PCSK2: variants seen among roughly 807,000 people sequenced by gnomAD.
PCSK2 encodes neuroendocrine convertase 2.
PCSK2 carries 14 observed loss-of-function variants against 69.7 expected under a neutral mutation model. The ratio of observed to expected loss-of-function variants is 0.20; its 90% CI spans 0.13 to 0.31. The LOEUF (loss-of-function observed/expected upper bound fraction) is 0.31. Among genes scored for constraint, PCSK2 ranks in the 10% least tolerant of loss-of-function variants. The probability of loss-of-function intolerance (pLI) is 1.00; values close to 1 mark genes in which losing one functional copy is unlikely to be tolerated. For synonymous variants in PCSK2, 307 were observed against 320.7 expected (o/e 0.96, Z 0.46); for missense variants, 544 against 842.5 (o/e 0.65, Z 4.39).
In PCSK2 at chr20:17,347,787, CG is replaced by C. The variant is rs1253431116; in HGVS notation, c.283-10539del. ...CTAAAACTGCTGAAAGACACATAGA[CG>C]AAAGAAAGAAAGAAAGAAAGAAAGA... is the stretch of plus-strand genomic sequence containing the variant. On this transcript the variant is annotated intron_variant, in intron 2 of 11. Transcript: ENST00000262545. 6.2e-4 allele frequency among the ~76,000 whole-genome samples: 30 copies of C among 48,566 alleles called. No homozygotes were observed. The East Asian group carries it at 0.02, about 32-fold the overall frequency. The allele number at this position is 48,566 out of a possible 152,430, so 31.9% of individuals were successfully genotyped here. A position where few individuals can be genotyped will look rare whatever the true frequency, so the allele number is the denominator to read the frequency against.
chr20:17,280,918 G>C (rs890766146), intron 2 of PCSK2, among the ~76,000 whole-genome samples: 1 of 152,170 alleles, frequency 6.6e-6, no homozygotes, highest in Non-Finnish European at 1.5e-5. Context: ...AACCTCAGTG[G>C]ATTGTTCCTT....
Position 17,483,025 on chromosome 20 carries a change from A to G in PCSK2, c.*955A>G, listed in dbSNP as rs2033437095. 1 of 97,256 alleles carries G rather than the reference A, an allele frequency of 1.0e-5. No homozygotes were observed. Among genetic ancestry groups the G allele is most frequent in the South Asian group, 4.7e-4 (1 of 2,118 alleles). 6.0% of individuals were successfully genotyped at this position (97,256 alleles called of 1,614,324 possible). ...TCTGATCTGAGTGAGAGGCGACAGG[A>G]GTATTTTTTTTTTTTTACAGCTTTA... On this transcript the variant is annotated 3_prime_UTR_variant, in exon 12 of 12. Coordinates refer to ENST00000262545, the MANE Select transcript of PCSK2 (RefSeq NM_002594.5).
At chr20:17,456,516 A>C in intron 10 of PCSK2, 68 bp downstream of exon 10, 1 of 830,202 alleles carries the variant, frequency 1.2e-6, no homozygotes. Flanking sequence ...CTCTGCCCAC[A>C]TGCCAGGTGT....
At chr20:17,267,601 G>C (rs1392745877) in intron 2 of PCSK2, among the ~76,000 whole-genome samples, 1 of 152,158 alleles carries the variant, frequency 6.6e-6, no homozygotes, top group East Asian at 1.9e-4. Flanking sequence ...ATTTACTACA[G>C]CTACAGAAAG....
intron 6 of PCSK2, among the ~76,000 whole-genome samples, chr20:17,415,514 C>G (rs2031979359): frequency 6.6e-6 from 1 of 152,062 alleles, no homozygotes; most frequent in African/African-American, 2.4e-5. Flanking sequence ...GAACAATAAA[C>G]TGCTGCTCAA....
At chr20:17,306,382 A>C (rs986952850) in intron 2 of PCSK2, among the ~76,000 whole-genome samples, 3 of 152,210 alleles carry the variant, frequency 2.0e-5, no homozygotes, top group African/African-American at 7.2e-5. Context: ...AGACTGATGC[A>C]GAAAAGGCTG....
Position 17,274,964 on chromosome 20 carries a change from C to T in PCSK2, c.282+14620C>T, listed in dbSNP as rs560425430. Among the ~76,000 whole-genome samples the T allele has an allele frequency of 4.0e-5, 6 of 151,724 alleles. No homozygotes were observed. The East Asian group carries it at 9.7e-4, about 24-fold the overall frequency. Reference sequence around the variant, plus strand: ...GTTTTAATCAGCATTGCTTCTTTGGCTATTATTGTTTTTGTGGTGTTTATA... The same window carrying T: ...GTTTTAATCAGCATTGCTTCTTTGGTTATTATTGTTTTTGTGGTGTTTATA... On this transcript the variant is annotated intron_variant, in intron 2 of 11. Coordinates refer to ENST00000262545, the MANE Select transcript of PCSK2 (RefSeq NM_002594.5).
At chr20:17,377,276 C>T (rs2030954692) in intron 5 of PCSK2, among the ~76,000 whole-genome samples, 1 of 152,218 alleles carries the variant, frequency 6.6e-6, no homozygotes, top group Non-Finnish European at 1.5e-5. Flanking sequence ...ATTTCACCAA[C>T]AGAAGTGATC....
At chr20:17,347,796 G>T (rs545383038) in intron 2 of PCSK2, among the ~76,000 whole-genome samples, 2,766 of 43,692 alleles carry the variant, frequency 0.063, 132 homozygotes, top group African/African-American at 0.11. Flanking sequence ...ACGAAAGAAA[G>T]AAAGAAAGAA....
intron 6 of PCSK2, among the ~76,000 whole-genome samples, chr20:17,426,472 C>T (rs1249118508): frequency 1.3e-5 from 2 of 152,214 alleles, no homozygotes; most frequent in Non-Finnish European, 2.9e-5. Context: ...CCAGCAAAAG[C>T]AGATTTAATT....
At chr20:17,392,107 T>G (rs962745116) in intron 5 of PCSK2, among the ~76,000 whole-genome samples, 2 of 152,182 alleles carry the variant, frequency 1.3e-5, no homozygotes, top group African/African-American at 4.8e-5. Flanking sequence ...CTAACACAGT[T>G]AGGCTATATC....
At chr20:17,447,788 T>C (rs187390351) in intron 8 of PCSK2, among the ~76,000 whole-genome samples, 2,104 of 152,132 alleles carry the variant, frequency 0.014, 15 homozygotes, top group Non-Finnish European at 0.02. Flanking sequence ...TTCATAAAAC[T>C]AATAAAAAAT....
At chr20:17,397,090 G>A (rs188966064) in intron 5 of PCSK2, among the ~76,000 whole-genome samples, 204 of 152,236 alleles carry the variant, frequency 1.3e-3, no homozygotes, top group South Asian at 3.1e-3. Flanking sequence ...GTGCATCTCC[G>A]TTTTTGCTAA....
intron 6 of PCSK2, among the ~76,000 whole-genome samples, chr20:17,420,353 GT>G (rs1481111631): frequency 6.6e-6 from 1 of 152,132 alleles, no homozygotes; most frequent in Non-Finnish European, 1.5e-5. Flanking sequence ...AATGCAAACT[GT>G]TTTCAAAGAC....
chr20:17,369,205 C>A (rs753888170), intron 4 of PCSK2, 35 bp from the exon 5 acceptor site: 1 of 1,600,620 alleles, frequency 6.2e-7, no homozygotes, highest in Middle Eastern at 1.7e-4. Flanking sequence ...CAGGTATTAA[C>A]CTTTGGTTCC....
At position 17,482,304 on chromosome 20, in the gene PCSK2, A is replaced by G. The variant is rs56212618; in HGVS notation, c.*234A>G. The G allele has an allele frequency of 6.5e-5, 15 of 230,408 alleles. No homozygotes were observed. Among genetic ancestry groups the G allele is most frequent in the Admixed American group, 3.2e-4 (5 of 15,872 alleles). The allele number at this position is 230,408 out of a possible 1,614,324, so 14.3% of individuals were successfully genotyped here. Reference sequence around the variant, plus strand: ...ACATCCATGTCCTATGTGTGACTCTAAATTCTTTATTTCTGTCATTCAAAT... The same window carrying G: ...ACATCCATGTCCTATGTGTGACTCTGAATTCTTTATTTCTGTCATTCAAAT... On this transcript the variant is annotated 3_prime_UTR_variant, in exon 12 of 12. Coordinates refer to ENST00000262545, the MANE Select transcript of PCSK2 (RefSeq NM_002594.5).
chr20:17,368,892 C>G (rs1436128980), intron 4 of PCSK2, among the ~76,000 whole-genome samples: 1 of 152,230 alleles, frequency 6.6e-6, no homozygotes, highest in East Asian at 1.9e-4. Flanking sequence ...ATAATAATCA[C>G]TTTTCCTCCC....
rs1409101591 is a variant in PCSK2 at position 17,463,767 on chromosome 20, A to G, written c.1203-1559A>G. The G allele has an allele frequency of 8.6e-5, 13 of 151,574 alleles. No homozygotes were observed. In the East Asian group the frequency reaches 2.2e-3, roughly 25 times the overall value. The allele number at this position is 151,574 out of a possible 1,614,324, so 9.4% of individuals were successfully genotyped here. ...TAGAAGAAGGTCTGCATTCAAGAGC[A>G]CATGGATCATTTGAACTCTTGGTTC... On this transcript the variant is annotated intron_variant, in intron 10 of 11. Coordinates refer to ENST00000262545, the MANE Select transcript of PCSK2 (RefSeq NM_002594.5).
At position 17,260,757 on chromosome 20, in the gene PCSK2, C is replaced by T. The variant is rs557112035; in HGVS notation, c.282+413C>T. On this transcript the variant is annotated intron_variant, in intron 2 of 11. Coordinates refer to ENST00000262545, the MANE Select transcript of PCSK2 (RefSeq NM_002594.5). ...AGGTTGCCATGCCCCACGTTGTGAA[C>T]GGAAAGAATGAGAGAGCCAGTCAGT... Among the ~76,000 whole-genome samples the T allele has an allele frequency of 4.6e-4, 70 of 152,216 alleles. No homozygotes were observed. In the Middle Eastern group the frequency reaches 0.017, roughly 37 times the overall value.
Sources: gnomAD v4.1 joint callset for allele counts (sites outside exome capture counted in the v4.1 genomes callset) on GRCh38, gnomAD v4.1.1 for gene constraint, MANE v1.5 for transcripts, NCBI Gene and HGNC (gene_info 2026-07-23, HGNC 2026-07-21) for gene names.